Variants in EPB41L4A observed in about 807,000 individuals in gnomAD.
EPB41L4A encodes erythrocyte membrane protein band 4.1 like 4A.
A neutral mutation model predicts 108.6 loss-of-function variants in EPB41L4A; 100 were observed. The ratio of observed to expected loss-of-function variants is 0.92; its 90% CI spans 0.78 to 1.09. EPB41L4A has a LOEUF of 1.09. EPB41L4A is among the 50% of genes least tolerant of loss of function. The probability of loss-of-function intolerance (pLI) is 0.00; values close to 1 mark genes in which losing one functional copy is unlikely to be tolerated. For missense variants in EPB41L4A, 1,030 were observed against 842.7 expected (o/e 1.22, Z -2.75); for synonymous variants, 319 against 289.0 (o/e 1.10, Z -1.05).
At chr5:112,309,738 G>A (rs1286690399) in intron 1 of EPB41L4A, among the ~76,000 whole-genome samples, 6 of 152,142 alleles carry the variant, frequency 3.9e-5, no homozygotes. Context: ...CTAATCAAAT[G>A]GGCTCTAAAA....
chr5:112,255,670 T>C (rs1271021222), intron 9 of EPB41L4A, among the ~76,000 whole-genome samples: 3 of 152,208 alleles, frequency 2.0e-5, no homozygotes, highest in African/African-American at 7.2e-5. Flanking sequence ...TCTTCTTTTC[T>C]CATTTATACT....
At chr5:112,345,456 G>A (rs1260343732) in intron 1 of EPB41L4A, among the ~76,000 whole-genome samples, 1 of 151,748 alleles carries the variant, frequency 6.6e-6, no homozygotes, top group African/African-American at 2.4e-5. Context: ...GCAGTATTCT[G>A]TAAGATCTCT....
At chr5:112,153,576 T>G (rs112644223) in intron 12 of EPB41L4A, among the ~76,000 whole-genome samples, 349 of 147,538 alleles carry the variant, frequency 2.4e-3, no homozygotes, top group Non-Finnish European at 3.6e-3. Flanking sequence ...CATATATATA[T>G]AGAGAGAGAG....
chr5:112,175,126 A>T (rs1014944146), intron 18 of EPB41L4A: 11 of 152,264 alleles, frequency 7.2e-5, no homozygotes, highest in Admixed American at 5.2e-4. Context: ...TGACGGCCTC[A>T]TCTTCCACAG....
Position 112,170,978 on chromosome 5 carries a change from A to G in EPB41L4A, c.1637T>C (p.Ile546Thr). 1.2e-6 allele frequency: 2 copies of G among 1,613,728 alleles called. No individual in the cohort carries two copies. The stretch of plus-strand genomic sequence containing the variant: ...CTTCCATAACTCTTCTTTTGCTTGG[A>G]TATCGGGGCTTCTCCTATAAATAGA... The part of the protein sequence containing the change: ...RHRSRSRSPD[I>T]QAKEELWKHI... The change falls in exon 19 of 23, where the codon ATC becomes ACC. Residue 546 changes from isoleucine to threonine, a missense_variant. Coordinates refer to ENST00000261486, the MANE Select transcript of EPB41L4A (RefSeq NM_022140.5).
chr5:112,403,858 A>G, intron 1 of EPB41L4A, among the ~76,000 whole-genome samples: 1 of 152,242 alleles, frequency 6.6e-6, no homozygotes, highest in East Asian at 1.9e-4. Flanking sequence ...CAAACTGACC[A>G]GTTCATTTTT....
At chr5:112,361,395 G>A (rs1047605331) in intron 1 of EPB41L4A, among the ~76,000 whole-genome samples, 8 of 151,996 alleles carry the variant, frequency 5.3e-5, no homozygotes, top group Non-Finnish European at 7.4e-5. Flanking sequence ...AGGCGGCAGG[G>A]CCCTCTGCCT....
At chr5:112,204,928 A>T (rs2150298645) in intron 14 of EPB41L4A, among the ~76,000 whole-genome samples, 1 of 152,326 alleles carries the variant, frequency 6.6e-6, no homozygotes, top group South Asian at 2.1e-4. Context: ...TGGCCCAAAT[A>T]AAGTAGCTAG....
chr5:112,384,391 C>G (rs138658139), intron 1 of EPB41L4A, among the ~76,000 whole-genome samples: 1 of 151,900 alleles, frequency 6.6e-6, no homozygotes, highest in Non-Finnish European at 1.5e-5. Flanking sequence ...ACTACTTTAA[C>G]CTGAGTCCAA....
At chr5:112,249,116 T>C (rs992329038) in intron 9 of EPB41L4A, 1 of 152,114 alleles carries the variant, frequency 6.6e-6, no homozygotes, top group African/African-American at 2.4e-5. Flanking sequence ...ATGCAATCAT[T>C]ATATAAGTAC....
intron 15 of EPB41L4A, 38 bp downstream of exon 15, chr5:112,204,337 G>T (rs1303079374): frequency 1.4e-6 from 2 of 1,421,896 alleles, no homozygotes. Flanking sequence ...AAATGCTTCT[G>T]TTGAAAGCTG....
chr5:112,181,432 C>A (rs887075404), intron 18 of EPB41L4A, among the ~76,000 whole-genome samples: 1 of 151,554 alleles, frequency 6.6e-6, no homozygotes, highest in Non-Finnish European at 1.5e-5. Context: ...GCCTGGGCGA[C>A]AGAGCGAGAC....
At chr5:112,259,055 A>T (rs1194108396) in intron 9 of EPB41L4A, among the ~76,000 whole-genome samples, 174 bp downstream of exon 9, 1 of 151,980 alleles carries the variant, frequency 6.6e-6, no homozygotes, top group East Asian at 1.9e-4. Context: ...TTACCCTCTC[A>T]CTCATTTCTA....
chr5:112,396,112 A>G (rs1761329152), intron 1 of EPB41L4A, among the ~76,000 whole-genome samples: 1 of 151,970 alleles, frequency 6.6e-6, no homozygotes, highest in African/African-American at 2.4e-5. Flanking sequence ...GGTTGGGGGA[A>G]GGGGGAGGGA....
chr5:112,367,679 C>T (rs1036059769), intron 1 of EPB41L4A, among the ~76,000 whole-genome samples: 5 of 152,220 alleles, frequency 3.3e-5, no homozygotes, highest in Non-Finnish European at 5.9e-5. Flanking sequence ...ATCCAACATG[C>T]TGTGCGCAAA....
At chr5:112,334,892 T>C (rs1022670639) in intron 1 of EPB41L4A, among the ~76,000 whole-genome samples, 1 of 152,096 alleles carries the variant, frequency 6.6e-6, no homozygotes, top group African/African-American at 2.4e-5. Context: ...TAAAAACTGA[T>C]ATAAGGGGTC....
At chr5:112,143,884 A>C (rs1043918672) in intron 13 of EPB41L4A, 2 of 455,344 alleles carry the variant, frequency 4.4e-6, no homozygotes, top group Admixed American at 2.4e-5. Flanking sequence ...GTCTGCACTG[A>C]AGACATAGAA....
rs575008676 is a variant in EPB41L4A at position 112,151,360 on chromosome 5, T to A, written n.995-5362A>T. ...TTTCTAAGGTCCTTGTTTTTTTTTT[T>A]ATTCAAGAAGAGGATAAATATATAT... On this transcript the variant is annotated intron_variant and non_coding_transcript_variant, in intron 12 of 13. Coordinates refer to the EPB41L4A transcript ENST00000507810. Among the ~76,000 whole-genome samples, 140 of 147,610 alleles carry A rather than the reference T, an allele frequency of 9.5e-4. No individual in the cohort carries two copies. The East Asian group carries it at 0.022, about 23-fold the overall frequency.
At chr5:112,160,353 G>A (rs1346646953), downstream of EPB41L4A, among the ~76,000 whole-genome samples, 1 of 152,042 alleles carries the variant, frequency 6.6e-6, no homozygotes, top group Non-Finnish European at 1.5e-5. Flanking sequence ...CAGCATCCGG[G>A]CTCACTTGGT....
Sources: gnomAD v4.1 joint callset for allele counts (sites outside exome capture counted in the v4.1 genomes callset) on GRCh38, gnomAD v4.1.1 for gene constraint, MANE v1.5 for transcripts, NCBI Gene and HGNC (gene_info 2026-07-23, HGNC 2026-07-21) for gene names.